TCAIM: variants seen among roughly 807,000 people sequenced by gnomAD.
TCAIM encodes T cell activation inhibitor, mitochondrial.
Under a neutral mutation model 58.6 loss-of-function variants are expected in TCAIM, and 36 were observed. That is an observed-to-expected ratio of 0.61 (90% CI 0.47 to 0.81). The LOEUF (loss-of-function observed/expected upper bound fraction) is 0.81, where lower values mean the gene tolerates loss of function less well. TCAIM is among the 30% of genes least tolerant of loss of function. The pLI, the probability that TCAIM is intolerant of heterozygous loss-of-function variation, is 0.00. For synonymous variants in TCAIM, 172 were observed against 193.6 expected (o/e 0.89, Z 0.93); for missense variants, 466 against 579.6 (o/e 0.80, Z 2.01).
At chr3:44,391,952 A>T (rs1292593384) in intron 5 of TCAIM, among the ~76,000 whole-genome samples, 1 of 152,132 alleles carries the variant, frequency 6.6e-6, no homozygotes. Flanking sequence ...GCTCTATTAT[A>T]ATATTTGCTC....
chr3:44,349,372 G>T (rs886821198), intron 1 of TCAIM, among the ~76,000 whole-genome samples: 1 of 152,144 alleles, frequency 6.6e-6, no homozygotes, highest in Non-Finnish European at 1.5e-5. Context: ...AAGCGGTATT[G>T]CAGAAGAAAA....
intron 5 of TCAIM, among the ~76,000 whole-genome samples, chr3:44,375,813 A>G (rs1701556457): frequency 6.6e-6 from 1 of 152,220 alleles, no homozygotes; most frequent in Admixed American, 6.5e-5. Flanking sequence ...GAGTTATGTG[A>G]CCCAAGAATT....
At chr3:44,349,436 A>G (rs1413494814) in intron 1 of TCAIM, among the ~76,000 whole-genome samples, 1 of 152,188 alleles carries the variant, frequency 6.6e-6, no homozygotes, top group Non-Finnish European at 1.5e-5. Context: ...TAAGTTCTTG[A>G]GAACACAGGC....
intron 5 of TCAIM, 127 bp from the exon 6 acceptor site, chr3:44,392,728 G>T: frequency 1.2e-6 from 1 of 816,962 alleles, no homozygotes; most frequent in South Asian, 2.2e-5. Context: ...ATCTGTCATT[G>T]ATTGGCATTT....
chr3:44,391,031 C>T (rs1484576888), intron 5 of TCAIM, among the ~76,000 whole-genome samples: 2 of 152,138 alleles, frequency 1.3e-5, no homozygotes, highest in East Asian at 3.9e-4. Flanking sequence ...CTGGACTTCC[C>T]TTGGGTAGCC....
chr3:44,396,684 C>T, intron 7 of TCAIM, 59 bp from the exon 8 acceptor site: 1 of 1,565,136 alleles, frequency 6.4e-7, no homozygotes. Flanking sequence ...ACTATTTGCA[C>T]AATGCTGAAA....
intron 10 of TCAIM, among the ~76,000 whole-genome samples, chr3:44,402,919 C>T (rs1254489233): frequency 1.3e-5 from 2 of 151,994 alleles, no homozygotes; most frequent in African/African-American, 2.4e-5. Context: ...CCCGCCTTAC[C>T]GTTCATTTGA....
At chr3:44,367,746 A>G in intron 5 of TCAIM, 38 bp downstream of exon 5, 1 of 1,540,794 alleles carries the variant, frequency 6.5e-7, no homozygotes. Context: ...CTGTATTTGT[A>G]GTTTGTGTTT....
intron 5 of TCAIM, among the ~76,000 whole-genome samples, chr3:44,372,796 G>A (rs565176296): frequency 5.7e-4 from 86 of 151,800 alleles, no homozygotes; most frequent in African/African-American, 1.3e-3. Flanking sequence ...GGGTTTCGCC[G>A]TGTTAGCCAG....
chr3:44,389,293 AAATAAT>A (rs1269760562), intron 5 of TCAIM, among the ~76,000 whole-genome samples: 3 of 152,252 alleles, frequency 2.0e-5, no homozygotes, highest in South Asian at 2.1e-4. Context: ...CCGTCTCAAA[AAATAAT>A]AATAATAAAA....
At chr3:44,393,584 T>C (rs934353981) in intron 6 of TCAIM, among the ~76,000 whole-genome samples, 1 of 152,128 alleles carries the variant, frequency 6.6e-6, no homozygotes, top group Admixed American at 6.6e-5. Flanking sequence ...AATACCCTCT[T>C]CCATATACAC....
At chr3:44,366,470 T>G (rs1701377346) in intron 4 of TCAIM, among the ~76,000 whole-genome samples, 2 of 144,416 alleles carry the variant, frequency 1.4e-5, no homozygotes, top group African/African-American at 2.6e-5. Context: ...GTTGTTTTTT[T>G]TTTTTTTTTT....
chr3:44,400,983 G>A, intron 9 of TCAIM: 1 of 585,802 alleles, frequency 1.7e-6, no homozygotes, highest in Non-Finnish European at 2.9e-6. Flanking sequence ...CCCCTGGCAT[G>A]TGACAGATAA....
chr3:44,366,721 C>T (rs989566048), intron 4 of TCAIM, among the ~76,000 whole-genome samples: 1 of 152,004 alleles, frequency 6.6e-6, no homozygotes, highest in African/African-American at 2.4e-5. Context: ...CCGCCTCGGC[C>T]TCCCAAAGTG....
At chr3:44,344,860 A>G (rs181203772) in intron 1 of TCAIM, among the ~76,000 whole-genome samples, 2 of 152,126 alleles carry the variant, frequency 1.3e-5, no homozygotes, top group Non-Finnish European at 2.9e-5. Context: ...GGCGGGGGTC[A>G]CAAGGTGCTC....
intron 2 of TCAIM, among the ~76,000 whole-genome samples, chr3:44,355,262 G>A (rs928446530): frequency 1.3e-5 from 2 of 152,192 alleles, no homozygotes; most frequent in Non-Finnish European, 2.9e-5. Flanking sequence ...TGCAGGTCAG[G>A]GAGGATGCAT....
In TCAIM at chr3:44,400,638, T is replaced by A. The variant is rs80272939; in HGVS notation, c.1118+51T>A. 249 of 1,488,854 alleles carry A rather than the reference T, an allele frequency of 1.7e-4. 1 individual carries two copies. In the East Asian group the frequency reaches 5.2e-3, roughly 31 times the overall value. The allele number at this position is 1,488,854 out of a possible 1,614,324, so 92.2% of individuals were successfully genotyped here. ...CTTTTATTCCTTCGTCTAGGTGGGT[T>A]GTGTGTGTAAATGCATTAAATTGTT... On this transcript the variant is annotated intron_variant, in intron 9 of 10. Coordinates refer to ENST00000342649, the MANE Select transcript of TCAIM (RefSeq NM_173826.4).
In TCAIM at chr3:44,338,803, C is replaced by T. The variant is rs1033775900; in HGVS notation, c.-76C>T. The T allele has an allele frequency of 6.6e-6, 1 of 152,288 alleles. No individual in the cohort carries two copies. The highest frequency in any genetic ancestry group is 1.5e-5 in the Non-Finnish European group (1 of 68,124). 9.4% of individuals were successfully genotyped at this position (152,288 alleles called of 1,614,324 possible). On this transcript the variant is annotated 5_prime_UTR_variant, in exon 1 of 11. Transcript: ENST00000342649. ...TGGGTGGGAGGTGGAACTAGTCGGA[C>T]AAAGCCCTCGCGTCGGACCCTTGCC...
rs551532039 is a variant in TCAIM, at chr3:44,373,680, T to G, written c.572+5972T>G. On this transcript the variant is annotated intron_variant, in intron 5 of 10. Transcript: ENST00000342649. ...AAAAAAGAGAAAAGAAAAGAAAATTTTAATACGTAAGTAGTTTTTGAAAAT... is the reference window on the plus strand; with the variant it reads ...AAAAAAGAGAAAAGAAAAGAAAATTGTAATACGTAAGTAGTTTTTGAAAAT... Among the ~76,000 whole-genome samples the G allele has an allele frequency of 6.6e-5, 10 of 152,002 alleles. No homozygotes were observed. The East Asian group carries it at 1.7e-3, about 26-fold the overall frequency.
Sources: gnomAD v4.1 joint callset for allele counts (sites outside exome capture counted in the v4.1 genomes callset) on GRCh38, gnomAD v4.1.1 for gene constraint, MANE v1.5 for transcripts, NCBI Gene and HGNC (gene_info 2026-07-23, HGNC 2026-07-21) for gene names.